Variants in ARHGAP15 observed in about 807,000 individuals in gnomAD.
ARHGAP15 encodes the protein rho GTPase-activating protein 15.
In ARHGAP15, 51 loss-of-function variants were observed where a neutral mutation model predicts 63.7. The ratio of observed to expected loss-of-function variants is 0.80; its 90% CI spans 0.64 to 1.01. The LOEUF is 1.01. Among genes scored for constraint, ARHGAP15 ranks in the 50% least tolerant of loss-of-function variants. ARHGAP15 has a pLI of 0.00. For synonymous variants in ARHGAP15, 191 were observed against 193.8 expected, an observed-to-expected ratio of 0.99 and a Z score of 0.12; for missense variants, 560 against 564.6, an observed-to-expected ratio of 0.99 and a Z score of 0.08.
At chr2:143,260,456 G>A (rs1469519375) in intron 6 of ARHGAP15, among the ~76,000 whole-genome samples, 1 of 152,098 alleles carries the variant, frequency 6.6e-6, no homozygotes, top group East Asian at 1.9e-4. Context: ...AATTGCCCCA[G>A]GAGGAAAGCT....
At chr2:143,717,851 G>A (rs940608780) in intron 13 of ARHGAP15, among the ~76,000 whole-genome samples, 17 of 147,564 alleles carry the variant, frequency 1.2e-4, no homozygotes, top group Non-Finnish European at 1.3e-4. Context: ...TTCTTAAAGT[G>A]GCTTTTTTTT....
At chr2:143,382,368 A>G (rs1248506753) in intron 6 of ARHGAP15, among the ~76,000 whole-genome samples, 1 of 152,114 alleles carries the variant, frequency 6.6e-6, no homozygotes, top group Non-Finnish European at 1.5e-5. Context: ...TCTGGTGGAC[A>G]GCTGCCAATC....
At chr2:143,603,050 T>G (rs949576760) in intron 11 of ARHGAP15, among the ~76,000 whole-genome samples, 1 of 152,204 alleles carries the variant, frequency 6.6e-6, no homozygotes, top group Non-Finnish European at 1.5e-5. Context: ...TCTGTATGTA[T>G]AGTTTACCTT....
At chr2:143,333,189 A>T (rs1198650153) in intron 6 of ARHGAP15, among the ~76,000 whole-genome samples, 2 of 152,216 alleles carry the variant, frequency 1.3e-5, no homozygotes, top group African/African-American at 4.8e-5. Flanking sequence ...AAATGTGATT[A>T]GCAGTTGCTC....
At chr2:143,154,340 T>C (rs1454627011) in intron 1 of ARHGAP15, among the ~76,000 whole-genome samples, 1 of 151,972 alleles carries the variant, frequency 6.6e-6, no homozygotes, top group South Asian at 2.1e-4. Flanking sequence ...TTTCCTTTTC[T>C]GTTCGTCTTA....
Position 143,600,795 on chromosome 2 carries a change from T to C in ARHGAP15, c.1004-23338T>C, listed in dbSNP as rs978931482. On this transcript the variant is annotated intron_variant, in intron 11 of 13. Coordinates refer to ENST00000295095, the MANE Select transcript of ARHGAP15 (RefSeq NM_018460.4). The stretch of plus-strand genomic sequence containing the variant: ...TTAGATGATTTTGGTGAACTCTCAG[T>C]TGATTTTAGGTAAAAGATTCATCTG... 9.9e-5 allele frequency among the ~76,000 whole-genome samples: 15 copies of C among 152,176 alleles called. 1 individual carries two copies. The highest frequency in any genetic ancestry group is 3.6e-4 in the African/African-American group (15 of 41,446).
At chr2:143,733,799 T>C (rs918860969) in intron 13 of ARHGAP15, among the ~76,000 whole-genome samples, 2 of 152,124 alleles carry the variant, frequency 1.3e-5, no homozygotes, top group African/African-American at 4.8e-5. Flanking sequence ...AGTGTGTGTT[T>C]TGGGGAGGAC....
rs144157637 is a variant in ARHGAP15, at chr2:143,496,041, T to C, written c.826+8546T>C. Among the ~76,000 whole-genome samples the C allele has an allele frequency of 7.4e-4, 113 of 152,324 alleles. 1 individual carries two copies. Among genetic ancestry groups the C allele is most frequent in the African/African-American group, 2.5e-3 (105 of 41,576 alleles). ...TCAAAATTGAACTGTGATCTTTACG[T>C]GTGCGCTGTGTCATGATTTAATATT... is the stretch of plus-strand genomic sequence containing the variant. On this transcript the variant is annotated intron_variant, in intron 9 of 13. Coordinates refer to ENST00000295095, the MANE Select transcript of ARHGAP15 (RefSeq NM_018460.4).
At chr2:143,659,488 CTT>C (rs1366558385) in intron 12 of ARHGAP15, among the ~76,000 whole-genome samples, 2 of 152,122 alleles carry the variant, frequency 1.3e-5, no homozygotes, top group East Asian at 3.9e-4. Context: ...AAGAGTGTGT[CTT>C]TCATGCCCTG....
intron 2 of ARHGAP15, among the ~76,000 whole-genome samples, chr2:143,158,643 T>A (rs962556860): frequency 2.0e-5 from 3 of 151,794 alleles, no homozygotes; most frequent in African/African-American, 7.3e-5. Flanking sequence ...TGCAAGAAAA[T>A]CGCCCATCTG....
chr2:143,432,558 C>T (rs2105081608), intron 6 of ARHGAP15, among the ~76,000 whole-genome samples: 1 of 152,138 alleles, frequency 6.6e-6, no homozygotes. Flanking sequence ...CTATTCTAAG[C>T]CCACGTGAAA....
intron 13 of ARHGAP15, among the ~76,000 whole-genome samples, chr2:143,728,677 A>G (rs1467889779): frequency 6.6e-6 from 1 of 152,130 alleles, no homozygotes; most frequent in African/African-American, 2.4e-5. Context: ...CCTTCTTGCT[A>G]GACTGGAAGG....
At chr2:143,576,726 G>T (rs189651010) in intron 11 of ARHGAP15, among the ~76,000 whole-genome samples, 2 of 152,102 alleles carry the variant, frequency 1.3e-5, no homozygotes, top group African/African-American at 4.8e-5. Flanking sequence ...TCTGGGAGTT[G>T]AGTTAGATTA....
At chr2:143,679,955 A>G (rs941459580) in intron 12 of ARHGAP15, among the ~76,000 whole-genome samples, 1 of 150,620 alleles carries the variant, frequency 6.6e-6, no homozygotes, top group African/African-American at 2.5e-5. Flanking sequence ...AGCATTGCTA[A>G]CTAACATTCT....
intron 8 of ARHGAP15, among the ~76,000 whole-genome samples, chr2:143,464,884 A>T (rs1691126035): frequency 6.6e-6 from 1 of 152,168 alleles, no homozygotes; most frequent in African/African-American, 2.4e-5. Flanking sequence ...TTACATAAAA[A>T]TCTTTTTCAT....
At chr2:143,482,520 G>A (rs1287042655) in intron 8 of ARHGAP15, among the ~76,000 whole-genome samples, 1 of 152,226 alleles carries the variant, frequency 6.6e-6, no homozygotes, top group Non-Finnish European at 1.5e-5. Flanking sequence ...GTTAAAATCA[G>A]TAGTGAAATC....
In ARHGAP15 at chr2:143,720,503, A is replaced by G. The variant is rs760221064; in HGVS notation, c.1244+16979A>G. ...AATGGCGTCAACTAATTGCTAGAAAAAAAGACTGCCCTCTATCGACGCAGA... is the reference window on the plus strand; with the variant it reads ...AATGGCGTCAACTAATTGCTAGAAAGAAAGACTGCCCTCTATCGACGCAGA... On this transcript the variant is annotated intron_variant, in intron 13 of 13. Coordinates refer to ENST00000295095, the MANE Select transcript of ARHGAP15 (RefSeq NM_018460.4). 5.4e-4 allele frequency among the ~76,000 whole-genome samples: 82 copies of G among 152,200 alleles called. 1 individual carries two copies. The highest frequency in any genetic ancestry group is 9.3e-4 in the Non-Finnish European group (63 of 68,002).
intron 13 of ARHGAP15, among the ~76,000 whole-genome samples, chr2:143,715,606 A>G (rs1333285754): frequency 6.6e-6 from 1 of 152,224 alleles, no homozygotes; most frequent in African/African-American, 2.4e-5. Context: ...AGTACCTTAT[A>G]GATGCTGTAT....
At chr2:143,284,317 T>C (rs1421288396) in intron 6 of ARHGAP15, among the ~76,000 whole-genome samples, 1 of 152,226 alleles carries the variant, frequency 6.6e-6, no homozygotes, top group African/African-American at 2.4e-5. Context: ...GGCCTACTTT[T>C]GCCAGATGCA....
Sources: allele counts gnomAD v4.1 joint callset (sites outside exome capture counted in the v4.1 genomes callset), GRCh38; gene constraint gnomAD v4.1.1; transcripts MANE v1.5; gene names NCBI Gene and HGNC (gene_info 2026-07-23, HGNC 2026-07-21).